Variants in TRPM3 observed in about 807,000 individuals in gnomAD.
TRPM3 encodes the protein long transient receptor potential channel 3.
TRPM3 carries 77 observed loss-of-function variants against 181.2 expected under a neutral mutation model. The observed-to-expected ratio is 0.42, with a 90% CI of 0.35 to 0.51. The LOEUF is 0.51. Ranked by LOEUF, TRPM3 falls within the 20% of genes least tolerant of loss-of-function variation. The pLI, the probability that TRPM3 is intolerant of heterozygous loss-of-function variation, is 0.01. For missense variants in TRPM3, 1,759 were observed against 2,196.7 expected, an observed-to-expected ratio of 0.80 and a Z score of 3.98; for synonymous variants, 745 against 796.4, an observed-to-expected ratio of 0.94 and a Z score of 1.09.
intron 1 of TRPM3, among the ~76,000 whole-genome samples, chr9:71,343,361 A>C (rs114239129): frequency 5.5e-4 from 83 of 152,234 alleles, no homozygotes; most frequent in African/African-American, 1.9e-3. Context: ...ATACAACTTC[A>C]CTATCAGTGT....
chr9:70,847,537 A>C (rs576165112), intron 3 of TRPM3, among the ~76,000 whole-genome samples: 1 of 152,164 alleles, frequency 6.6e-6, no homozygotes, highest in Non-Finnish European at 1.5e-5. Flanking sequence ...GAAGACCTAG[A>C]GCATCTGATT....
chr9:71,421,024 A>G (rs2093763262), intron 1 of TRPM3, among the ~76,000 whole-genome samples: 1 of 151,556 alleles, frequency 6.6e-6, no homozygotes, highest in Non-Finnish European at 1.5e-5. Flanking sequence ...AGAAAAAGAG[A>G]GAAAAAGAAA....
At chr9:70,877,108 T>C (rs1199273932) in intron 1 of TRPM3, among the ~76,000 whole-genome samples, 2 of 152,018 alleles carry the variant, frequency 1.3e-5, no homozygotes, top group Admixed American at 1.3e-4. Context: ...AATGGTCTTT[T>C]AAAATGACGA....
rs1199186657 is a variant in TRPM3, at chr9:70,529,227, A to T, written c.*6726T>A. ...AATAATAGACCTTTAAAAAAGAACA[A>T]TTCTTCTAAGGATTTATATATATTT... On this transcript the variant is annotated 3_prime_UTR_variant, in exon 26 of 26. Coordinates refer to ENST00000677713, the MANE Select transcript of TRPM3 (RefSeq NM_001366145.2). 1 of 152,174 alleles carries T rather than the reference A, an allele frequency of 6.6e-6. No homozygotes were observed. Among genetic ancestry groups the T allele is most frequent in the Admixed American group, 6.5e-5 (1 of 15,280 alleles). The allele number at this position is 152,174 out of a possible 1,614,324, so 9.4% of individuals were successfully genotyped here.
chr9:71,067,212 T>C (rs1410083554), intron 1 of TRPM3, among the ~76,000 whole-genome samples: 1 of 145,354 alleles, frequency 6.9e-6, no homozygotes, highest in Non-Finnish European at 1.5e-5. Context: ...CTGTGTATAG[T>C]ATTTTCAAAG....
chr9:71,020,425 C>A (rs2097836754), intron 1 of TRPM3, among the ~76,000 whole-genome samples: 1 of 151,374 alleles, frequency 6.6e-6, no homozygotes, highest in Non-Finnish European at 1.5e-5. Context: ...CTATGCTGAA[C>A]CATGTCTGTG....
rs2096775050 is a variant in TRPM3, at chr9:70,931,533, G to A, written c.178-67022C>T. Among the ~76,000 whole-genome samples the A allele has an allele frequency of 2.6e-5, 4 of 151,242 alleles. No homozygotes were observed. The South Asian group carries it at 8.3e-4, about 32-fold the overall frequency. On this transcript the variant is annotated intron_variant, in intron 1 of 25. Coordinates refer to ENST00000677713, the MANE Select transcript of TRPM3 (RefSeq NM_001366145.2). ...TTCCTAATAAAAACAATAAAATGAA[G>A]TTTGAATAAAATATTTAATTTAAAG...
At chr9:71,342,976 A>G (rs923151761) in intron 1 of TRPM3, among the ~76,000 whole-genome samples, 3 of 152,144 alleles carry the variant, frequency 2.0e-5, no homozygotes, top group Non-Finnish European at 4.4e-5. Context: ...AATATCTACA[A>G]TAGTGTACCC....
At chr9:71,093,064 C>A (rs866496347) in intron 1 of TRPM3, among the ~76,000 whole-genome samples, 2 of 152,142 alleles carry the variant, frequency 1.3e-5, no homozygotes, top group African/African-American at 4.8e-5. Context: ...CCCTTTCTTA[C>A]ACTTTATACA....
At chr9:70,589,010 A>G (rs763907070) in intron 22 of TRPM3, among the ~76,000 whole-genome samples, 6 of 152,168 alleles carry the variant, frequency 3.9e-5, no homozygotes, top group Non-Finnish European at 7.4e-5. Flanking sequence ...ATCGAAAAGG[A>G]AGGTAAGTGG....
Position 70,625,493 on chromosome 9 carries a change from T to G in TRPM3, c.1657A>C (p.Ile553Leu), listed in dbSNP as rs2064414721. Residue 553 changes from isoleucine (I) to leucine (L), a missense_variant, in exon 13 of 26, where the codon ATC becomes CTC. Transcript: ENST00000677713. The surrounding 1 kb of genome is among the most constrained non-coding windows in gnomAD (Gnocchi z 4.8). Reference sequence around the variant, plus strand: ...GTTAATTAATTCACCTTAAAATAGATCCAACCGAAACCTGGATACTCTCGC... The same window carrying G: ...GTTAATTAATTCACCTTAAAATAGAGCCAACCGAAACCTGGATACTCTCGC... ...KKREYPGFGWIYFKGNLPPDY... is the reference protein window; with the variant it reads ...KKREYPGFGWLYFKGNLPPDY... 2 of 1,612,248 alleles carry G rather than the reference T, an allele frequency of 1.2e-6. No homozygotes were observed. Among genetic ancestry groups the G allele is most frequent in the Non-Finnish European group, 1.7e-6 (2 of 1,179,474 alleles).
At chr9:70,806,890 AT>A (rs1348431594) in intron 6 of TRPM3, among the ~76,000 whole-genome samples, 6 of 152,282 alleles carry the variant, frequency 3.9e-5, no homozygotes, top group African/African-American at 1.4e-4. Context: ...GAGACAAATA[AT>A]TATAAATCCT....
chr9:71,446,611 A>T (rs1380450525), intron 1 of TRPM3: 8 of 1,537,442 alleles, frequency 5.2e-6, no homozygotes, highest in Admixed American at 4.0e-5. Flanking sequence ...GTGCGAAGGG[A>T]GAAAAGAAAG....
intron 1 of TRPM3, among the ~76,000 whole-genome samples, chr9:71,152,666 T>A (rs2075793373): frequency 6.6e-6 from 1 of 152,136 alleles, no homozygotes; most frequent in Non-Finnish European, 1.5e-5. Context: ...GATAAGGACA[T>A]CAGTTTGAGG....
chr9:71,042,186 A>T (rs2058902787), intron 1 of TRPM3, among the ~76,000 whole-genome samples: 1 of 151,944 alleles, frequency 6.6e-6, no homozygotes, highest in Admixed American at 6.5e-5. Context: ...ACCTTAGAAT[A>T]TTGAAGTTGT....
At chr9:71,059,481 T>C (rs1241072641) in intron 1 of TRPM3, among the ~76,000 whole-genome samples, 1 of 152,096 alleles carries the variant, frequency 6.6e-6, no homozygotes, top group Non-Finnish European at 1.5e-5. Flanking sequence ...ACTTTAAGGA[T>C]ACAGCCTGTG....
chr9:70,659,303 C>T (rs768922629), intron 9 of TRPM3, among the ~76,000 whole-genome samples: 14 of 151,986 alleles, frequency 9.2e-5, no homozygotes, highest in South Asian at 4.1e-4. Context: ...GGTTCCTGAC[C>T]GGTGGTAAGT....
At chr9:70,833,218 A>T (rs1208393739) in intron 5 of TRPM3, among the ~76,000 whole-genome samples, 1 of 152,162 alleles carries the variant, frequency 6.6e-6, no homozygotes, top group East Asian at 1.9e-4. Context: ...CTTCCATTTT[A>T]TGGTGCTTTC....
chr9:71,312,117 G>A (rs1183563360), intron 1 of TRPM3, among the ~76,000 whole-genome samples: 1 of 152,100 alleles, frequency 6.6e-6, no homozygotes, highest in African/African-American at 2.4e-5. Flanking sequence ...ACATAGTCAA[G>A]AGAATGAGAA....
Sources: allele counts gnomAD v4.1 joint callset (sites outside exome capture counted in the v4.1 genomes callset), GRCh38; gene constraint gnomAD v4.1.1; non-coding constraint Gnocchi (gnomAD v3.1); transcripts MANE v1.5; gene names NCBI Gene and HGNC (gene_info 2026-07-23, HGNC 2026-07-21).